Variants in CHCHD3 observed in about 807,000 individuals in gnomAD.
CHCHD3 encodes coiled-coil-helix-coiled-coil-helix domain containing 3, also known as MICOS complex subunit MIC19.
A neutral mutation model predicts 38.2 loss-of-function variants in CHCHD3; 20 were observed. The observed-to-expected ratio is 0.52, with a 90% confidence interval of 0.37 to 0.76. The LOEUF is 0.76. Ranked by LOEUF, CHCHD3 falls within the 30% of genes least tolerant of loss-of-function variation. The pLI is 0.00. For synonymous variants in CHCHD3, 82 were observed against 100.0 expected (o/e 0.82, Z 1.07); for missense variants, 245 against 279.2 (o/e 0.88, Z 0.87).
At chr7:133,062,966 G>A (rs1369329729) in intron 2 of CHCHD3, among the ~76,000 whole-genome samples, 1 of 152,174 alleles carries the variant, frequency 6.6e-6, no homozygotes, top group Non-Finnish European at 1.5e-5. Flanking sequence ...CACAGAAAAC[G>A]ATCGGAAGAT....
At chr7:133,038,235 A>T (rs1235972246) in intron 2 of CHCHD3, among the ~76,000 whole-genome samples, 3 of 152,156 alleles carry the variant, frequency 2.0e-5, no homozygotes, top group Non-Finnish European at 1.5e-5. Flanking sequence ...TTAAAAGGTA[A>T]ATTACAATCA....
chr7:132,798,007 T>G (rs1806665776), intron 6 of CHCHD3, among the ~76,000 whole-genome samples: 2 of 152,198 alleles, frequency 1.3e-5, no homozygotes, highest in South Asian at 4.1e-4. Context: ...GAAATCACAT[T>G]ATTTTAAATT....
intron 4 of CHCHD3, among the ~76,000 whole-genome samples, chr7:132,942,668 G>C (rs777223796): frequency 3.3e-5 from 5 of 152,024 alleles, no homozygotes; most frequent in Non-Finnish European, 7.4e-5. Context: ...TAATATGATG[G>C]GATCTAGACT....
intron 4 of CHCHD3, among the ~76,000 whole-genome samples, chr7:132,895,403 C>CT (rs572853257): frequency 2.9e-4 from 44 of 152,228 alleles, no homozygotes; most frequent in Middle Eastern, 3.2e-3. Context: ...ACCCCCTACT[C>CT]TGAGTTGTGA....
At chr7:132,929,403 G>A (rs28547472) in intron 4 of CHCHD3, among the ~76,000 whole-genome samples, 6,688 of 152,012 alleles carry the variant, frequency 0.044, 318 homozygotes, top group African/African-American at 0.11. Flanking sequence ...CTCTTTCTCA[G>A]CCTGCTGCTT....
intron 4 of CHCHD3, among the ~76,000 whole-genome samples, chr7:132,962,120 C>T (rs1811334592): frequency 6.6e-6 from 1 of 152,156 alleles, no homozygotes; most frequent in Admixed American, 6.5e-5. Flanking sequence ...TGTGACTAAA[C>T]CACTTTTACT....
chr7:132,951,553 A>G (rs1249463406), intron 4 of CHCHD3, among the ~76,000 whole-genome samples: 1 of 152,216 alleles, frequency 6.6e-6, no homozygotes, highest in East Asian at 1.9e-4. Context: ...GTTATACCAT[A>G]TAGCCTAGGT....
intron 4 of CHCHD3, among the ~76,000 whole-genome samples, chr7:132,954,118 A>T (rs7781070): frequency 0.2 from 30,575 of 151,870 alleles, 3,311 homozygotes; most frequent in South Asian, 0.25. Flanking sequence ...AGGCAGAGGG[A>T]CAGGCAGGAG....
At chr7:132,903,439 A>AT (rs1455509292) in intron 4 of CHCHD3, among the ~76,000 whole-genome samples, 2 of 152,040 alleles carry the variant, frequency 1.3e-5, no homozygotes, top group East Asian at 1.9e-4. Context: ...CAACCTTTTT[A>AT]TTTTTTTATC....
In CHCHD3 at chr7:133,081,990, G is replaced by T. The variant is rs112828800; in HGVS notation, c.-53C>A. On this transcript the variant is annotated 5_prime_UTR_variant, in exon 1 of 8. Transcript: ENST00000262570. ...CTAGCGGGGAACCACGAGCACTTCGGGGCCCCCGCACCCACACGCGCGTGG... is the reference window on the plus strand; with the variant it reads ...CTAGCGGGGAACCACGAGCACTTCGTGGCCCCCGCACCCACACGCGCGTGG... 8 of 1,469,388 alleles carry T rather than the reference G, an allele frequency of 5.4e-6. 1 individual carries two copies. The South Asian group carries it at 1.1e-4, about 20-fold the overall frequency. The allele number at this position is 1,469,388 out of a possible 1,614,324, so 91.0% of individuals were successfully genotyped here. A position where few individuals can be genotyped will look rare whatever the true frequency, so the allele number is the denominator to read the frequency against.
chr7:132,807,606 A>AATATAT (rs55835343), intron 6 of CHCHD3, among the ~76,000 whole-genome samples: 4,075 of 108,488 alleles, frequency 0.038, 146 homozygotes, highest in Non-Finnish European at 0.047. Flanking sequence ...CATACACATA[A>AATATAT]ATATATATAT....
intron 5 of CHCHD3, among the ~76,000 whole-genome samples, chr7:132,876,983 G>A (rs1808929884): frequency 6.6e-6 from 1 of 152,110 alleles, no homozygotes; most frequent in South Asian, 2.1e-4. Context: ...TCAACTCACA[G>A]CTTTGTACTC....
chr7:132,816,333 T>G (rs1055994663), intron 6 of CHCHD3, among the ~76,000 whole-genome samples: 2 of 152,214 alleles, frequency 1.3e-5, no homozygotes, highest in Non-Finnish European at 2.9e-5. Context: ...CCTCTATTAA[T>G]GTTTGAGCCT....
intron 3 of CHCHD3, among the ~76,000 whole-genome samples, chr7:133,000,447 T>C (rs1206099822): frequency 6.6e-6 from 1 of 152,136 alleles, no homozygotes; most frequent in Non-Finnish European, 1.5e-5. Flanking sequence ...ATGATTATTC[T>C]ATAATCTACA....
In CHCHD3 at chr7:133,022,860, A is replaced by C. The variant is rs1246168648; in HGVS notation, c.251+1686T>G. ...AAGCTGAATAATGAAGAAGAAGAAA[A>C]AAAAAAAACCCACAGTGAGTTATTT... On this transcript the variant is annotated intron_variant, in intron 3 of 7. Coordinates refer to ENST00000262570, the MANE Select transcript of CHCHD3 (RefSeq NM_017812.4). 2.0e-5 allele frequency among the ~76,000 whole-genome samples: 3 copies of C among 151,216 alleles called. No individual in the cohort carries two copies. The East Asian group carries it at 5.8e-4, about 29-fold the overall frequency.
intron 3 of CHCHD3, among the ~76,000 whole-genome samples, chr7:132,983,467 T>C (rs1811972010): frequency 6.6e-6 from 1 of 152,230 alleles, no homozygotes; most frequent in Non-Finnish European, 1.5e-5. Context: ...CATACTGTAT[T>C]GCTATAATTC....
chr7:132,919,854 T>A (rs974850186), intron 4 of CHCHD3, among the ~76,000 whole-genome samples: 1 of 152,192 alleles, frequency 6.6e-6, no homozygotes, highest in Non-Finnish European at 1.5e-5. Flanking sequence ...AGTTGGTGTA[T>A]GTTGGACAGC....
chr7:133,042,255 T>C (rs1562946520), intron 2 of CHCHD3, among the ~76,000 whole-genome samples: 3 of 152,182 alleles, frequency 2.0e-5, no homozygotes, highest in Admixed American at 2.0e-4. Context: ...ATTTATACTT[T>C]TACAATCTTA....
chr7:132,987,553 C>T (rs77307956), intron 3 of CHCHD3, among the ~76,000 whole-genome samples: 98 of 152,244 alleles, frequency 6.4e-4, no homozygotes, highest in Non-Finnish European at 1.2e-3. Flanking sequence ...TGAGTGCCTT[C>T]GAAACAGCGC....
Sources: allele counts gnomAD v4.1 joint callset (sites outside exome capture counted in the v4.1 genomes callset), GRCh38; gene constraint gnomAD v4.1.1; transcripts MANE v1.5; gene names NCBI Gene and HGNC (gene_info 2026-07-23, HGNC 2026-07-21).